Variants in CACHD1 observed in about 807,000 individuals in gnomAD.
CACHD1 encodes the protein cache domain containing 1.
Under a neutral mutation model 138.7 loss-of-function variants are expected in CACHD1, and 71 were observed. The ratio of observed to expected loss-of-function variants is 0.51; its 90% CI spans 0.42 to 0.62. The LOEUF is 0.62. Ranked by LOEUF, CACHD1 falls within the 20% of genes least tolerant of loss-of-function variation. The pLI, the probability that CACHD1 is intolerant of heterozygous loss-of-function variation, is 0.00. For missense variants in CACHD1, 1,389 were observed against 1,625.3 expected, an observed-to-expected ratio of 0.85 and a Z score of 2.50; for synonymous variants, 578 against 591.5, an observed-to-expected ratio of 0.98 and a Z score of 0.33.
chr1:64,640,892 G>GCT (rs1553142131), intron 7 of CACHD1, among the ~76,000 whole-genome samples: 1 of 150,254 alleles, frequency 6.7e-6, no homozygotes. Context: ...AATCACCTTT[G>GCT]TTTTTTTTTA....
chr1:64,574,882 G>T (rs898659121), intron 2 of CACHD1, among the ~76,000 whole-genome samples: 1 of 152,104 alleles, frequency 6.6e-6, no homozygotes, highest in African/African-American at 2.4e-5. Flanking sequence ...GTGCCATTTT[G>T]CTTTTAATCT....
intron 1 of CACHD1, among the ~76,000 whole-genome samples, chr1:64,512,483 C>T (rs1646429091): frequency 6.6e-6 from 1 of 150,736 alleles, no homozygotes; most frequent in African/African-American, 2.5e-5. Context: ...TTTAACACTT[C>T]CTGCTGTTCC....
chr1:64,681,935 G>T, intron 25 of CACHD1, 70 bp from the exon 26 acceptor site: 2 of 1,346,590 alleles, frequency 1.5e-6, no homozygotes, highest in South Asian at 1.2e-5. Flanking sequence ...AGCCCTCTCA[G>T]AGCAAATGTG....
chr1:64,528,193 T>A (rs1646555290), intron 1 of CACHD1, among the ~76,000 whole-genome samples: 1 of 152,238 alleles, frequency 6.6e-6, no homozygotes, highest in Non-Finnish European at 1.5e-5. Flanking sequence ...GAGTTAAGTT[T>A]GAAGACCTTT....
rs2100681222 is a variant in CACHD1 at position 64,652,141 on chromosome 1, A to G, written c.1391-20A>G. On this transcript the variant is annotated intron_variant, in intron 9 of 26. Transcript: ENST00000651257. Reference sequence around the variant, plus strand: ...TCCTTCTCTGCTGGTCTTTAGATTTATTTTGTTTTTAACCCATAGGTTTGA... The same window carrying G: ...TCCTTCTCTGCTGGTCTTTAGATTTGTTTTGTTTTTAACCCATAGGTTTGA... 1 of 1,589,824 alleles carries G rather than the reference A, an allele frequency of 6.3e-7. No individual in the cohort carries two copies. Among genetic ancestry groups the G allele is most frequent in the East Asian group, 2.3e-5 (1 of 44,368 alleles).
chr1:64,691,447 T>C lies in CACHD1; in HGVS notation c.3711T>C (p.Thr1237=), dbSNP rs1208620152. ...TAGACCTGGATACCCCCCCTCAGAC[T>C]GCTGCCCTACTAAGTCACAAGTTCC... ...EDLDLDTPPQ[T]AALLSHKFHH... Residue 1237 remains threonine (T), a synonymous_variant, in exon 27 of 27, where the codon ACT becomes ACC. Transcript: ENST00000651257. 1.2e-6 allele frequency: 2 copies of C among 1,613,974 alleles called. No individual in the cohort carries two copies. Among genetic ancestry groups the C allele is most frequent in the Non-Finnish European group, 1.7e-6 (2 of 1,180,018 alleles).
chr1:64,683,841 A>G (rs1275761325), intron 26 of CACHD1, among the ~76,000 whole-genome samples: 1 of 152,266 alleles, frequency 6.6e-6, no homozygotes, highest in East Asian at 1.9e-4. Context: ...TACGTGGGTC[A>G]CTAAAAATGG....
In CACHD1 at chr1:64,581,137, T is replaced by C. The variant is rs147850372; in HGVS notation, c.262-1019T>C. Among the ~76,000 whole-genome samples the C allele has an allele frequency of 1.4e-3, 211 of 152,324 alleles. 2 individuals are homozygous for C. The highest frequency in any genetic ancestry group is 4.3e-4 in the Non-Finnish European group (29 of 68,022). On this transcript the variant is annotated intron_variant, in intron 2 of 26. Transcript: ENST00000651257. ...AAGGCTGAGAACCTCAGTTATTTAA[T>C]TGAGACCCTGAAAGCTATAGAATAT...
intron 10 of CACHD1, 44 bp from the exon 11 acceptor site, chr1:64,653,714 A>G (rs7518616): frequency 0.12 from 199,401 of 1,596,150 alleles, 26,796 homozygotes; most frequent in East Asian, 0.61. Context: ...AGAACTTCCT[A>G]CAACATGTTT....
chr1:64,689,438 G>C (rs1311485836), intron 26 of CACHD1, among the ~76,000 whole-genome samples: 1 of 152,012 alleles, frequency 6.6e-6, no homozygotes, highest in African/African-American at 2.4e-5. Flanking sequence ...CACTGAGATA[G>C]CTTTTAAATC....
intron 8 of CACHD1, 30 bp from the exon 9 acceptor site, chr1:64,647,771 C>T (rs768665041): frequency 2.0e-5 from 32 of 1,599,526 alleles, no homozygotes; most frequent in Non-Finnish European, 1.5e-5. Flanking sequence ...ATTTTGCTTT[C>T]CGTGGTCTTC....
intron 4 of CACHD1, among the ~76,000 whole-genome samples, chr1:64,625,007 C>T (rs1162354799): frequency 6.6e-6 from 1 of 152,140 alleles, no homozygotes; most frequent in African/African-American, 2.4e-5. Flanking sequence ...TATGTCTGCC[C>T]TCTCAAAGAC....
chr1:64,623,266 G>A (rs76199074), intron 4 of CACHD1, among the ~76,000 whole-genome samples: 1,732 of 152,106 alleles, frequency 0.011, 31 homozygotes, highest in African/African-American at 0.04. Flanking sequence ...GCTGGGCATG[G>A]TGACGGGTAC....
At chr1:64,584,255 G>A (rs1253785736) in intron 3 of CACHD1, among the ~76,000 whole-genome samples, 1 of 152,120 alleles carries the variant, frequency 6.6e-6, no homozygotes, top group Non-Finnish European at 1.5e-5. Flanking sequence ...GTAGAGTCCA[G>A]GGATACTGCT....
chr1:64,649,559 C>T (rs868397193), intron 9 of CACHD1, among the ~76,000 whole-genome samples: 3 of 152,142 alleles, frequency 2.0e-5, no homozygotes, highest in Non-Finnish European at 4.4e-5. Context: ...CTCCTACCCT[C>T]AGTAAGCGTA....
At chr1:64,546,358 A>G (rs1413541454) in intron 1 of CACHD1, among the ~76,000 whole-genome samples, 1 of 149,848 alleles carries the variant, frequency 6.7e-6, no homozygotes, top group Admixed American at 6.6e-5. Flanking sequence ...TTTTTGAGAC[A>G]TGGTCTGATT....
chr1:64,627,907 G>A (rs2100630956), intron 4 of CACHD1, among the ~76,000 whole-genome samples: 1 of 152,292 alleles, frequency 6.6e-6, no homozygotes, highest in East Asian at 1.9e-4. Flanking sequence ...GTAACTGGGG[G>A]TGGGGAGGGA....
At chr1:64,626,922 T>C (rs949321050) in intron 4 of CACHD1, among the ~76,000 whole-genome samples, 2 of 152,190 alleles carry the variant, frequency 1.3e-5, no homozygotes, top group Non-Finnish European at 2.9e-5. Flanking sequence ...TTAGTCTTTC[T>C]CTTGTAGGTA....
chr1:64,524,718 A>G (rs1646523456), intron 1 of CACHD1, among the ~76,000 whole-genome samples: 1 of 152,214 alleles, frequency 6.6e-6, no homozygotes. Context: ...GCAGAATTAG[A>G]AAAAGCAAAT....
Sources: allele counts gnomAD v4.1 joint callset (sites outside exome capture counted in the v4.1 genomes callset), GRCh38; gene constraint gnomAD v4.1.1; transcripts MANE v1.5; gene names NCBI Gene and HGNC (gene_info 2026-07-23, HGNC 2026-07-21).